The following LYN variants were observed in gnomAD, a reference collection of about 807,000 sequenced individuals.
LYN encodes the protein LYN proto-oncogene, Src family tyrosine kinase.
In LYN, 12 loss-of-function variants were observed where a neutral mutation model predicts 65.0. The ratio of observed to expected loss-of-function variants is 0.18; its 90% CI spans 0.12 to 0.30. The LOEUF is 0.30. Among genes scored for constraint, LYN ranks in the 10% least tolerant of loss-of-function variants. LYN has a pLI of 1.00. For missense variants in LYN, 380 were observed against 623.2 expected, an observed-to-expected ratio of 0.61 and a Z score of 4.16; for synonymous variants, 222 against 221.2, an observed-to-expected ratio of 1.00 and a Z score of -0.03.
chr8:55,993,338 T>TA (rs2130574086), intron 10 of LYN, among the ~76,000 whole-genome samples: 1 of 152,346 alleles, frequency 6.6e-6, no homozygotes, highest in African/African-American at 2.4e-5. Flanking sequence ...GTGAAATTTG[T>TA]ACTTAACAAC....
chr8:55,883,811 T>C (rs1158255155), intron 1 of LYN, among the ~76,000 whole-genome samples: 2 of 152,154 alleles, frequency 1.3e-5, no homozygotes, highest in Non-Finnish European at 2.9e-5. Flanking sequence ...TTGCCTCCCA[T>C]CTTTTAAGGC....
intron 1 of LYN, among the ~76,000 whole-genome samples, chr8:55,941,457 A>C (rs17515910): frequency 0.2 from 29,844 of 152,110 alleles, 3,187 homozygotes; most frequent in Middle Eastern, 0.31. Context: ...GACTTTGCAA[A>C]CTGGCTGCCA....
chr8:55,952,082 C>A lies in LYN; in HGVS notation c.604C>A (p.Pro202Thr). Reference protein sequence around the residue: ...GYYISPRITFPCISDMIKHYQ... With the variant: ...GYYISPRITFTCISDMIKHYQ... ...TTACATCTCTCCACGAATCACTTTTCCCTGTATCAGCGACATGATTAAACA... is the reference window on the plus strand; with the variant it reads ...TTACATCTCTCCACGAATCACTTTTACCTGTATCAGCGACATGATTAAACA... The change falls in exon 7 of 13, where the codon CCC becomes ACC. Residue 202 changes from proline (P) to threonine (T), a missense_variant. By Grantham distance (38) the Pro-to-Thr change is conservative (BLOSUM62 -1). This residue lies in a region of LYN where 223 missense variants were observed against 430.0 expected (regional missense o/e 0.52). Transcript: ENST00000519728. 6.2e-7 allele frequency: 1 copy of A among 1,601,270 alleles called. No individual in the cohort carries two copies.
Position 56,013,753 on chromosome 8 carries a change from C to T in LYN, c.*3643C>T, listed in dbSNP as rs1375969789. On this transcript the variant is annotated 3_prime_UTR_variant, in exon 13 of 13. Transcript: ENST00000519728. ...CCAGGTTCCACAGCCAGTTGTCGGACATCTCCTGCTTCCTCAGCCAAGAAC... is the reference window on the plus strand; with the variant it reads ...CCAGGTTCCACAGCCAGTTGTCGGATATCTCCTGCTTCCTCAGCCAAGAAC... 2 of 152,272 alleles carry T rather than the reference C, an allele frequency of 1.3e-5. No homozygotes were observed. The highest frequency in any genetic ancestry group is 2.9e-5 in the Non-Finnish European group (2 of 68,086). The allele number at this position is 152,272 out of a possible 1,614,324, so 9.4% of individuals were successfully genotyped here. A position where few individuals can be genotyped will look rare whatever the true frequency, so the allele number is the denominator to read the frequency against.
chr8:55,922,391 A>G (rs1805969974), intron 1 of LYN, among the ~76,000 whole-genome samples: 1 of 151,202 alleles, frequency 6.6e-6, no homozygotes, highest in Admixed American at 6.6e-5. Flanking sequence ...CACCTGGCTG[A>G]CATCACAATT....
chr8:55,913,971 T>C (rs1382976417), intron 1 of LYN, among the ~76,000 whole-genome samples: 1 of 152,062 alleles, frequency 6.6e-6, no homozygotes, highest in African/African-American at 2.4e-5. Context: ...GAGGAGTGAC[T>C]TGCTAAGCTC....
At chr8:55,914,761 G>A (rs1006449439) in intron 1 of LYN, among the ~76,000 whole-genome samples, 10 of 152,130 alleles carry the variant, frequency 6.6e-5, no homozygotes, top group Admixed American at 1.3e-4. Flanking sequence ...TACCTAATTG[G>A]TAAAATAAGA....
intron 1 of LYN, among the ~76,000 whole-genome samples, chr8:55,929,348 G>T (rs1399119452): frequency 6.6e-6 from 1 of 152,158 alleles, no homozygotes; most frequent in Non-Finnish European, 1.5e-5. Context: ...TCGGGATGAT[G>T]CTTTTCTCAT....
At chr8:55,989,615 G>C (rs986949684) in intron 10 of LYN, among the ~76,000 whole-genome samples, 1 of 152,200 alleles carries the variant, frequency 6.6e-6, no homozygotes, top group Non-Finnish European at 1.5e-5. Context: ...TTAGAGGAGA[G>C]GGAATTTAAA....
intron 1 of LYN, among the ~76,000 whole-genome samples, chr8:55,927,204 A>G (rs1339300468): frequency 6.6e-6 from 1 of 152,228 alleles, no homozygotes; most frequent in Admixed American, 6.5e-5. Context: ...GTCATATAGA[A>G]TAGTTTCACT....
At chr8:55,908,454 A>G (rs1051662488) in intron 1 of LYN, among the ~76,000 whole-genome samples, 2 of 151,980 alleles carry the variant, frequency 1.3e-5, no homozygotes, top group Non-Finnish European at 2.9e-5. Context: ...CATGTTGACC[A>G]GGCTGGTCTC....
chr8:55,903,382 C>T (rs1029269186), intron 1 of LYN, among the ~76,000 whole-genome samples: 13 of 152,158 alleles, frequency 8.5e-5, no homozygotes, highest in African/African-American at 3.1e-4. Flanking sequence ...CAGAGAGATT[C>T]CAGTAGGGAA....
chr8:55,886,409 G>A (rs1024960410), intron 1 of LYN, among the ~76,000 whole-genome samples: 2 of 151,746 alleles, frequency 1.3e-5, no homozygotes, highest in East Asian at 1.9e-4. Context: ...CACCATGCCC[G>A]GCTAATTTTT....
intron 8 of LYN, among the ~76,000 whole-genome samples, chr8:55,964,464 T>C (rs765596924): frequency 6.6e-6 from 1 of 152,210 alleles, no homozygotes; most frequent in Admixed American, 6.5e-5. Context: ...AGAAACATCA[T>C]TGGATAGGTT....
intron 10 of LYN, among the ~76,000 whole-genome samples, chr8:55,992,971 A>G (rs1206986990): frequency 6.6e-6 from 1 of 152,164 alleles, no homozygotes; most frequent in East Asian, 1.9e-4. Flanking sequence ...TTGGAGGGAC[A>G]CATTCAGACC....
At chr8:55,904,151 A>G (rs1470708) in intron 1 of LYN, among the ~76,000 whole-genome samples, 60,541 of 151,954 alleles carry the variant, frequency 0.4, 12,441 homozygotes, top group East Asian at 0.71. Flanking sequence ...AAATAATAGC[A>G]GGACTTTAAT....
chr8:55,909,001 A>ATATATTATGTG (rs1805513154), intron 1 of LYN, among the ~76,000 whole-genome samples: 1 of 19,232 alleles, frequency 5.2e-5, no homozygotes, highest in African/African-American at 2.8e-4. Context: ...ATATATATAT[A>ATATATTATGTG]TATATATATA....
intron 10 of LYN, among the ~76,000 whole-genome samples, chr8:55,972,463 T>C (rs1239883303): frequency 2.0e-5 from 3 of 152,234 alleles, no homozygotes; most frequent in African/African-American, 7.2e-5. Context: ...GAGTAGGGCC[T>C]GTACGCTTCA....
intron 7 of LYN, among the ~76,000 whole-genome samples, chr8:55,953,166 TG>T (rs1198103989): frequency 1.3e-5 from 2 of 152,178 alleles, no homozygotes; most frequent in East Asian, 1.9e-4. Context: ...TGGGGTCCAG[TG>T]GTGACATGAC....
Sources: allele counts gnomAD v4.1 joint callset (sites outside exome capture counted in the v4.1 genomes callset), GRCh38; gene constraint gnomAD v4.1.1; regional missense constraint gnomAD v4.1.1; transcripts MANE v1.5; gene names NCBI Gene and HGNC (gene_info 2026-07-23, HGNC 2026-07-21).